The following FAT3 variants were observed in gnomAD, a reference collection of about 807,000 sequenced individuals.
FAT3 encodes protocadherin Fat 3.
A neutral mutation model predicts 310.2 loss-of-function variants in FAT3; 95 were observed. The observed-to-expected ratio is 0.31, with a 90% CI of 0.26 to 0.36. The LOEUF (loss-of-function observed/expected upper bound fraction) is 0.36. Ranked by LOEUF, FAT3 falls within the 10% of genes least tolerant of loss-of-function variation. FAT3 has a pLI of 1.00. For synonymous variants in FAT3, 2,314 were observed against 2,192.9 expected (o/e 1.06, Z -1.54); for missense variants, 5,408 against 5,715.6 (o/e 0.95, Z 1.74).
In FAT3 at chr11:92,433,282, G is replaced by C. The variant is rs541795162; in HGVS notation, c.3292+77878G>C. On this transcript the variant is annotated intron_variant, in intron 2 of 27. Transcript: ENST00000525166. ...GGCATTCCAGGCACCACTGGGGTAT[G>C]AAAAAAAACTCCTGCTGCTAACTCG... is the stretch of plus-strand genomic sequence containing the variant. Among the ~76,000 whole-genome samples the C allele has an allele frequency of 1.2e-4, 18 of 151,980 alleles. No homozygotes were observed. The South Asian group carries it at 3.8e-3, about 32-fold the overall frequency.
intron 2 of FAT3, among the ~76,000 whole-genome samples, chr11:92,453,510 A>C (rs1211279580): frequency 6.6e-6 from 1 of 152,128 alleles, no homozygotes; most frequent in Non-Finnish European, 1.5e-5. Flanking sequence ...AAGAAAGAAA[A>C]GAATAAAAGT....
At chr11:92,557,487 C>G (rs952726646) in intron 3 of FAT3, among the ~76,000 whole-genome samples, 6 of 152,174 alleles carry the variant, frequency 3.9e-5, no homozygotes, top group Non-Finnish European at 8.8e-5. Flanking sequence ...CGCCATGTCC[C>G]CACTGCTGTG....
chr11:92,800,926 C>G lies in FAT3; in HGVS notation c.7913C>G (p.Ser2638Cys). Reference protein sequence around the residue: ...DDGANSRITYSLYSEASVSVA... With the variant: ...DDGANSRITYCLYSEASVSVA... ...GGAGCAAATTCAAGGATTACTTATTCCCTCTATAGCGAGGCCTCTGTTTCA... is the reference window on the plus strand; with the variant it reads ...GGAGCAAATTCAAGGATTACTTATTGCCTCTATAGCGAGGCCTCTGTTTCA... Residue 2638 changes from serine to cysteine, a missense_variant, in exon 10 of 28, where the codon TCC becomes TGC. Coordinates refer to ENST00000525166, the MANE Select transcript of FAT3 (RefSeq NM_001367949.2). 1 of 1,612,578 alleles carries G rather than the reference C, an allele frequency of 6.2e-7. No homozygotes were observed. Among genetic ancestry groups the G allele is most frequent in the African/African-American group, 1.3e-5 (1 of 75,032 alleles).
At chr11:92,814,883 A>C (rs571086534) in intron 13 of FAT3, among the ~76,000 whole-genome samples, 1 of 152,246 alleles carries the variant, frequency 6.6e-6, no homozygotes. Flanking sequence ...AAATTTTAAA[A>C]GAGCAAATTT....
chr11:92,502,673 T>A (rs919426598), intron 2 of FAT3, among the ~76,000 whole-genome samples: 1 of 152,028 alleles, frequency 6.6e-6, no homozygotes, highest in Non-Finnish European at 1.5e-5. Context: ...AAAAATATCT[T>A]CCTAACAATT....
chr11:92,591,141 TA>T (rs1939404910), intron 3 of FAT3, among the ~76,000 whole-genome samples: 3 of 152,138 alleles, frequency 2.0e-5, no homozygotes, highest in Admixed American at 2.0e-4. Context: ...AAGCCAAATA[TA>T]AATTTACCTG....
At chr11:92,595,205 A>G (rs1939642594) in intron 3 of FAT3, among the ~76,000 whole-genome samples, 2 of 152,142 alleles carry the variant, frequency 1.3e-5, no homozygotes, top group African/African-American at 4.8e-5. Flanking sequence ...CTTCAACACC[A>G]CATGAGTTCA....
chr11:92,496,702 G>A (rs185236395), intron 2 of FAT3, among the ~76,000 whole-genome samples: 36 of 152,092 alleles, frequency 2.4e-4, no homozygotes, highest in African/African-American at 6.5e-4. Flanking sequence ...CTAATTCCTT[G>A]TTGGGTTGAA....
At chr11:92,599,654 G>A (rs958851110) in intron 3 of FAT3, among the ~76,000 whole-genome samples, 1 of 152,168 alleles carries the variant, frequency 6.6e-6, no homozygotes, top group Non-Finnish European at 1.5e-5. Flanking sequence ...ATTAATGATT[G>A]CAGAGATTAA....
At chr11:92,755,024 A>G (rs765062299) in intron 4 of FAT3, among the ~76,000 whole-genome samples, 3 of 152,174 alleles carry the variant, frequency 2.0e-5, no homozygotes, top group Non-Finnish European at 2.9e-5. Context: ...TTATAAGAGC[A>G]GAGAATAGAA....
At chr11:92,574,037 A>G (rs1938334123) in intron 3 of FAT3, among the ~76,000 whole-genome samples, 1 of 151,708 alleles carries the variant, frequency 6.6e-6, no homozygotes, top group Non-Finnish European at 1.5e-5. Context: ...GCAAACACAT[A>G]TTTTGTCAAG....
chr11:92,421,368 A>C (rs779295792), intron 2 of FAT3, among the ~76,000 whole-genome samples: 3 of 152,186 alleles, frequency 2.0e-5, no homozygotes, highest in African/African-American at 4.8e-5. Context: ...AAATTAGAGA[A>C]GATGTCTGGT....
intron 2 of FAT3, among the ~76,000 whole-genome samples, chr11:92,519,192 T>C (rs1953599560): frequency 6.6e-6 from 1 of 152,114 alleles, no homozygotes; most frequent in Non-Finnish European, 1.5e-5. Flanking sequence ...GGCATAAAGG[T>C]AGTCAAACAG....
chr11:92,253,046 C>T (rs181375074), intron 1 of FAT3, among the ~76,000 whole-genome samples: 2 of 152,160 alleles, frequency 1.3e-5, no homozygotes, highest in Admixed American at 6.6e-5. Context: ...ACCTCCTGCT[C>T]CTGTTACAAT....
intron 1 of FAT3, among the ~76,000 whole-genome samples, chr11:92,340,956 G>A (rs1591135176): frequency 1.3e-5 from 2 of 152,264 alleles, no homozygotes; most frequent in East Asian, 3.9e-4. Flanking sequence ...TTTTCTCTTA[G>A]GATGAGCTCC....
At chr11:92,837,395 C>T (rs897916675) in intron 16 of FAT3, among the ~76,000 whole-genome samples, 1 of 152,166 alleles carries the variant, frequency 6.6e-6, no homozygotes, top group Non-Finnish European at 1.5e-5. Flanking sequence ...TTTTGGCTGT[C>T]ATAACTGGGC....
intron 4 of FAT3, among the ~76,000 whole-genome samples, chr11:92,716,562 A>C: frequency 6.6e-6 from 1 of 152,190 alleles, no homozygotes; most frequent in Non-Finnish European, 1.5e-5. Flanking sequence ...TCATTTCCAT[A>C]AGGTTCTTAA....
At chr11:92,874,650 C>T (rs1949484793) in intron 22 of FAT3, among the ~76,000 whole-genome samples, 1 of 152,230 alleles carries the variant, frequency 6.6e-6, no homozygotes, top group African/African-American at 2.4e-5. Flanking sequence ...AGTGATTCTC[C>T]TGCCTCAGCC....
chr11:92,698,264 T>TAC (rs149562276), intron 4 of FAT3, among the ~76,000 whole-genome samples: 2,263 of 151,640 alleles, frequency 0.015, 22 homozygotes, highest in Non-Finnish European at 0.024. Flanking sequence ...CAAACACACA[T>TAC]ACACACACAC....
Sources: gnomAD v4.1 joint callset for allele counts (sites outside exome capture counted in the v4.1 genomes callset) on GRCh38, gnomAD v4.1.1 for gene constraint, MANE v1.5 for transcripts, NCBI Gene and HGNC (gene_info 2026-07-23, HGNC 2026-07-21) for gene names.